The following WFDC11 variants were observed in gnomAD, a reference collection of about 807,000 sequenced individuals.
WFDC11 encodes protein WFDC11.
Under a neutral mutation model 9.9 loss-of-function variants are expected in WFDC11, and 9 were observed. The observed-to-expected ratio is 0.91, with a 90% CI of 0.55 to 1.58. The LOEUF (loss-of-function observed/expected upper bound fraction) is 1.58, where lower values mean the gene tolerates loss of function less well. Ranked by LOEUF, WFDC11 falls within the 40% of genes most tolerant of loss-of-function variation. The pLI, the probability that WFDC11 is intolerant of heterozygous loss-of-function variation, is 0.00. For synonymous variants in WFDC11, 32 were observed against 33.3 expected (o/e 0.96, Z 0.13); for missense variants, 106 against 101.7 (o/e 1.04, Z -0.18).
Position 45,650,659 on chromosome 20 carries a change from T to G in WFDC11, c.-51-8A>C, listed in dbSNP as rs914032665. 4.7e-5 allele frequency: 66 copies of G among 1,391,484 alleles called. No homozygotes were observed. Among genetic ancestry groups the G allele is most frequent in the Non-Finnish European group, 6.6e-5 (65 of 978,820 alleles). The allele number at this position is 1,391,484 out of a possible 1,614,324, so 86.2% of individuals were successfully genotyped here. On this transcript the variant is annotated splice_polypyrimidine_tract_variant and splice_region_variant and intron_variant, in intron 2 of 4. Transcript: ENST00000324384. The stretch of plus-strand genomic sequence containing the variant: ...TTTTCTTCCCAGTCGCTGCTAGAGA[T>G]CAAGACATATAAATAGGGAAAGAGA...
At chr20:45,662,772 A>G (rs1005557712) in intron 2 of WFDC11, among the ~76,000 whole-genome samples, 7 of 152,280 alleles carry the variant, frequency 4.6e-5, no homozygotes, top group Middle Eastern at 6.8e-3. Context: ...GATGAAGCCA[A>G]CTTGATCATG....
chr20:45,655,242 G>T (rs1982901720), intron 2 of WFDC11, among the ~76,000 whole-genome samples: 1 of 152,210 alleles, frequency 6.6e-6, no homozygotes, highest in Non-Finnish European at 1.5e-5. Flanking sequence ...CCATGATCAA[G>T]TGGGCTTCAT....
At chr20:45,658,210 G>GGTGT (rs138721023) in intron 2 of WFDC11, among the ~76,000 whole-genome samples, 1 of 151,042 alleles carries the variant, frequency 6.6e-6, no homozygotes, top group African/African-American at 2.4e-5. Flanking sequence ...CTTATTATTT[G>GGTGT]GTGTGTGTGT....
intron 2 of WFDC11, among the ~76,000 whole-genome samples, chr20:45,659,564 G>GT (rs777400119): frequency 1.3e-5 from 2 of 151,774 alleles, no homozygotes; most frequent in Non-Finnish European, 2.9e-5. Context: ...GGGTTGTTTG[G>GT]TTTTTTTCTT....
At chr20:45,661,500 T>C (rs1983065124) in intron 2 of WFDC11, among the ~76,000 whole-genome samples, 1 of 152,242 alleles carries the variant, frequency 6.6e-6, no homozygotes, top group Non-Finnish European at 1.5e-5. Context: ...CCCACGCCTA[T>C]GTCCTGAATG....
intron 2 of WFDC11, among the ~76,000 whole-genome samples, chr20:45,654,738 G>T (rs1427007077): frequency 6.6e-6 from 1 of 152,132 alleles, no homozygotes; most frequent in African/African-American, 2.4e-5. Flanking sequence ...AATAAAAAAT[G>T]ATAAAGGGGA....
chr20:45,667,716 C>A (rs1265656226), intron 1 of WFDC11, among the ~76,000 whole-genome samples: 2 of 152,178 alleles, frequency 1.3e-5, no homozygotes, highest in Non-Finnish European at 2.9e-5. Flanking sequence ...CACTAATCAT[C>A]TCTGTGCCTC....
At chr20:45,663,874 G>A (rs567957464) in intron 2 of WFDC11, among the ~76,000 whole-genome samples, 19 of 152,278 alleles carry the variant, frequency 1.2e-4, no homozygotes, top group South Asian at 6.2e-4. Context: ...GAATAAGTGC[G>A]ATGTGGTGCT....
chr20:45,656,035 T>C (rs1352291309), intron 2 of WFDC11, among the ~76,000 whole-genome samples: 2 of 152,092 alleles, frequency 1.3e-5, no homozygotes, highest in Non-Finnish European at 1.5e-5. Context: ...TTCAATGCCA[T>C]CCACATCAAG....
chr20:45,650,209 T>TAC (rs1438924138), intron 3 of WFDC11, among the ~76,000 whole-genome samples: 64 of 98,472 alleles, frequency 6.5e-4, no homozygotes, highest in Middle Eastern at 4.7e-3. Context: ...TTATGGTATA[T>TAC]ATACACACAC....
Position 45,649,541 on chromosome 20 carries a change from A to G in WFDC11, c.101-142T>C, listed in dbSNP as rs1332103207. On this transcript the variant is annotated intron_variant, in intron 3 of 4. Transcript: ENST00000324384. ...AGATATCTATTTGCCTTTTAAGGGAATTGCCTTCATGAGCCTCCTCAAATT... is the reference window on the plus strand; with the variant it reads ...AGATATCTATTTGCCTTTTAAGGGAGTTGCCTTCATGAGCCTCCTCAAATT... The G allele has an allele frequency of 6.9e-6, 7 of 1,016,650 alleles. No individual in the cohort carries two copies. The African/African-American group carries it at 1.1e-4, about 16-fold the overall frequency. 63.0% of individuals were successfully genotyped at this position (1,016,650 alleles called of 1,614,324 possible). A position where few individuals can be genotyped will look rare whatever the true frequency, so the allele number is the denominator to read the frequency against.
At chr20:45,665,771 T>G (rs1229731801) in intron 2 of WFDC11, among the ~76,000 whole-genome samples, 1 of 152,214 alleles carries the variant, frequency 6.6e-6, no homozygotes, top group Non-Finnish European at 1.5e-5. Context: ...CAAATATTGC[T>G]GCCTGATCCT....
chr20:45,652,481 G>GGAAAAACAGAGCA (rs1328586093), intron 2 of WFDC11, among the ~76,000 whole-genome samples: 5 of 152,140 alleles, frequency 3.3e-5, no homozygotes, highest in African/African-American at 1.2e-4. Flanking sequence ...CAAAGATGGG[G>GGAAAAACAGAGCA]GAAAAACAGA....
chr20:45,650,220 A>ACG (rs1982771766), intron 3 of WFDC11, among the ~76,000 whole-genome samples: 1 of 85,708 alleles, frequency 1.2e-5, no homozygotes. Flanking sequence ...ATACACACAC[A>ACG]CACACACACA....
chr20:45,667,686 C>T (rs1983216236), intron 1 of WFDC11, among the ~76,000 whole-genome samples: 1 of 152,146 alleles, frequency 6.6e-6, no homozygotes, highest in African/African-American at 2.4e-5. Flanking sequence ...AATCCTACAT[C>T]CCACTTACTC....
At chr20:45,665,494 G>A (rs1053891667) in intron 2 of WFDC11, among the ~76,000 whole-genome samples, 5 of 152,170 alleles carry the variant, frequency 3.3e-5, no homozygotes, top group African/African-American at 1.2e-4. Context: ...AGGAGAAGAG[G>A]CACTCTGGTT....
chr20:45,659,130 G>A (rs917155577), intron 2 of WFDC11, among the ~76,000 whole-genome samples: 5 of 152,152 alleles, frequency 3.3e-5, no homozygotes, highest in Admixed American at 2.6e-4. Flanking sequence ...CATTTGGGTT[G>A]GTTCCAAGTC....
intron 2 of WFDC11, among the ~76,000 whole-genome samples, chr20:45,652,939 AC>A (rs1189585424): frequency 1.3e-5 from 2 of 152,244 alleles, no homozygotes; most frequent in East Asian, 3.8e-4. Flanking sequence ...ATGTGAAAAG[AC>A]CAAATCTTCG....
chr20:45,650,419 C>T, intron 3 of WFDC11, 82 bp downstream of exon 3: 5 of 1,137,668 alleles, frequency 4.4e-6, no homozygotes, highest in Non-Finnish European at 6.6e-6. Flanking sequence ...GAGTCAGATA[C>T]AGCGGACAAT....
Sources: gnomAD v4.1 joint callset for allele counts (sites outside exome capture counted in the v4.1 genomes callset) on GRCh38, gnomAD v4.1.1 for gene constraint, MANE v1.5 for transcripts, NCBI Gene and HGNC (gene_info 2026-07-23, HGNC 2026-07-21) for gene names.